Variants in PC observed in about 807,000 individuals in gnomAD.
PC encodes pyruvate carboxylase, mitochondrial.
In PC, 46 loss-of-function variants were observed where a neutral mutation model predicts 107.8. That is an observed-to-expected ratio of 0.43 (90% confidence interval 0.34 to 0.55). PC has a LOEUF of 0.55. PC is among the 20% of genes least tolerant of loss of function. The pLI is 0.04. For synonymous variants in PC, 662 were observed against 684.7 expected, an observed-to-expected ratio of 0.97 and a Z score of 0.52; for missense variants, 1,241 against 1,643.1, an observed-to-expected ratio of 0.76 and a Z score of 4.23.
chr11:66,926,441 C>T (rs1445548825), intron 3 of PC, among the ~76,000 whole-genome samples: 6 of 152,156 alleles, frequency 3.9e-5, no homozygotes, highest in Admixed American at 3.9e-4. Flanking sequence ...GTAAGGCTTA[C>T]CATTATCAAT....
At chr11:66,934,695 G>A (rs766842769) in intron 3 of PC, among the ~76,000 whole-genome samples, 3 of 152,080 alleles carry the variant, frequency 2.0e-5, no homozygotes, top group Non-Finnish European at 4.4e-5. Context: ...GCAATGGCAC[G>A]ATCTTGGCTC....
At chr11:66,934,539 A>G (rs1032451571) in intron 3 of PC, 1 of 154,118 alleles carries the variant, frequency 6.5e-6, no homozygotes, top group Non-Finnish European at 1.5e-5. Flanking sequence ...GAACTTGCTG[A>G]TCAGGGCTAA....
chr11:66,850,507 ACT>A, intron 18 of PC, 43 bp from the exon 19 acceptor site: 1 of 1,612,792 alleles, frequency 6.2e-7, no homozygotes, highest in Non-Finnish European at 8.5e-7. Context: ...GAAATGTGTG[ACT>A]CTTCCAGGAC....
At chr11:66,929,586 C>T (rs1162571168) in intron 3 of PC, among the ~76,000 whole-genome samples, 5 of 152,082 alleles carry the variant, frequency 3.3e-5, no homozygotes, top group African/African-American at 9.7e-5. Flanking sequence ...AGGGTGGTCT[C>T]GAACTCCTGA....
At chr11:66,865,055 G>A (rs1002239237) in intron 11 of PC, among the ~76,000 whole-genome samples, 1 of 152,242 alleles carries the variant, frequency 6.6e-6, no homozygotes, top group African/African-American at 2.4e-5. Flanking sequence ...CCAGGGCTTG[G>A]AAGTGGGGAT....
chr11:66,914,580 T>C (rs1042681823), intron 3 of PC, among the ~76,000 whole-genome samples: 3 of 151,124 alleles, frequency 2.0e-5, no homozygotes, highest in African/African-American at 7.3e-5. Flanking sequence ...GTCTGGCCCA[T>C]AGTAAATGCT....
At chr11:66,946,911 C>T (rs1352327549) in intron 3 of PC, among the ~76,000 whole-genome samples, 1 of 152,150 alleles carries the variant, frequency 6.6e-6, no homozygotes, top group African/African-American at 2.4e-5. Flanking sequence ...ACATCATTAT[C>T]ATTAGGAAAA....
At chr11:66,935,221 G>A (rs1948966202) in intron 3 of PC, among the ~76,000 whole-genome samples, 1 of 152,194 alleles carries the variant, frequency 6.6e-6, no homozygotes, top group Non-Finnish European at 1.5e-5. Context: ...CTGAGAAAAC[G>A]CAGGATTAGA....
chr11:66,863,319 G>A (rs371971202), intron 12 of PC, among the ~76,000 whole-genome samples: 3 of 152,286 alleles, frequency 2.0e-5, no homozygotes, highest in East Asian at 1.9e-4. Context: ...CAGCCTGGGC[G>A]ACAGCAAGAT....
In PC at chr11:66,858,750, T is replaced by C. The variant is rs1332356150; in HGVS notation, c.1368+5024A>G. On this transcript the variant is annotated intron_variant, in intron 12 of 22. Transcript: ENST00000393960. This position sits in a 1 kb window ranked among gnomAD's most constrained non-coding sequence, Gnocchi z 5.9. ...AGCCCGGGCTTTCCCCAACGGGACC[T>C]TAGAGATTGGGGTGACCGGCGCTGG... 13 of 1,554,384 alleles carry C rather than the reference T, an allele frequency of 8.4e-6. No individual in the cohort carries two copies. Among genetic ancestry groups the C allele is most frequent in the Non-Finnish European group, 1.1e-5 (13 of 1,149,374 alleles).
Position 66,871,315 on chromosome 11 carries a change from C to T in PC, c.487G>A (p.Gly163Ser), listed in dbSNP as rs1419299112. 6.2e-7 allele frequency: 1 copy of T among 1,614,046 alleles called. No homozygotes were observed. The highest frequency in any genetic ancestry group is 8.5e-7 in the Non-Finnish European group (1 of 1,180,040). Residue 163 changes from glycine (G) to serine (S), a missense_variant and splice_region_variant, in exon 6 of 23, where the codon GGT (glycine) becomes AGT (serine). Coordinates refer to ENST00000393960, the MANE Select transcript of PC (RefSeq NM_001040716.2). This position sits in a 1 kb window ranked among gnomAD's most constrained non-coding sequence, Gnocchi z 7.4. ...VEARAIAIAA[G>S]VPVVPGTDAP... ...CCCCTTGCTTGCCCGTTATATTCAC[C>T]CGCAGCAATGGCGATGGCCCGGGCC... is the stretch of plus-strand genomic sequence containing the variant.
chr11:66,922,196 C>T (rs1948611972), intron 3 of PC, among the ~76,000 whole-genome samples: 1 of 152,176 alleles, frequency 6.6e-6, no homozygotes, highest in African/African-American at 2.4e-5. Context: ...GAGACAGCTA[C>T]AGACAGTTGA....
chr11:66,873,435 AT>A (rs1343494681), intron 3 of PC, among the ~76,000 whole-genome samples: 9 of 87,012 alleles, frequency 1.0e-4, no homozygotes, highest in Non-Finnish European at 1.5e-4. Flanking sequence ...TATATATATT[AT>A]ATATTATATT....
rs148720690 is a variant in PC, at chr11:66,918,074, T to C, written c.-1+34356A>G. Among the ~76,000 whole-genome samples the C allele has an allele frequency of 7.2e-4, 110 of 152,326 alleles. 3 individuals are homozygous for C. In the East Asian group the frequency reaches 0.018, roughly 25 times the overall value. Reference sequence around the variant, plus strand: ...AGCCTGTGAGCCCTCTAGGTGGTGATAGAAACAGCAAATAGAATCCTTTTT... The same window carrying C: ...AGCCTGTGAGCCCTCTAGGTGGTGACAGAAACAGCAAATAGAATCCTTTTT... On this transcript the variant is annotated intron_variant, in intron 3 of 22. Transcript: ENST00000393960.
At chr11:66,942,893 G>A (rs1949179377) in intron 3 of PC, among the ~76,000 whole-genome samples, 1 of 151,904 alleles carries the variant, frequency 6.6e-6, no homozygotes, top group African/African-American at 2.4e-5. Flanking sequence ...GCGGGCGTCT[G>A]TAGTCCCAGC....
At chr11:66,874,686 G>A (rs1946905797) in intron 3 of PC, among the ~76,000 whole-genome samples, 1 of 152,218 alleles carries the variant, frequency 6.6e-6, no homozygotes. Flanking sequence ...TAAGCCTTAG[G>A]AGTCGAGAAC....
chr11:66,938,745 G>A (rs974658285), intron 3 of PC, among the ~76,000 whole-genome samples: 3 of 152,024 alleles, frequency 2.0e-5, no homozygotes, highest in Non-Finnish European at 2.9e-5. Flanking sequence ...CATAGCTCTC[G>A]TCCTATGGTA....
At position 66,851,800 on chromosome 11, in the gene PC, C is replaced by T. The variant is rs770207003; in HGVS notation, c.1972G>A (p.Val658Met). The T allele has an allele frequency of 2.0e-5, 33 of 1,614,138 alleles. No individual in the cohort carries two copies. The highest frequency in any genetic ancestry group is 3.3e-5 in the South Asian group (3 of 91,080). Residue 658 changes from valine (V) to methionine (M), a missense_variant, in exon 16 of 23, where the codon GTG becomes ATG. Physicochemically the swap from Val to Met is conservative, Grantham distance 21 (BLOSUM62 1). Coordinates refer to ENST00000393960, the MANE Select transcript of PC (RefSeq NM_001040716.2). ...AVGYTNYPDNVVFKFCEVAKE... is the reference protein window; with the variant it reads ...AVGYTNYPDNMVFKFCEVAKE... ...CCACCCCAGGCTCACTTGAAGACCACGTTGTCTGGGTAGTTGGTGTAGCCC... is the reference window on the plus strand; with the variant it reads ...CCACCCCAGGCTCACTTGAAGACCATGTTGTCTGGGTAGTTGGTGTAGCCC...
Position 66,871,515 on chromosome 11 carries a change from G to A in PC, c.322-35C>T, listed in dbSNP as rs781649069. On this transcript the variant is annotated intron_variant, in intron 5 of 22. Coordinates refer to ENST00000393960, the MANE Select transcript of PC (RefSeq NM_001040716.2). This position sits in a 1 kb window ranked among gnomAD's most constrained non-coding sequence, Gnocchi z 7.4. ...GGGGTCAGGGAGAGGACGGTACCTT[G>A]CAGTCCCTTCCAAGGCCTCGGCCAG... 2 of 1,611,532 alleles carry A rather than the reference G, an allele frequency of 1.2e-6. No individual in the cohort carries two copies. Among genetic ancestry groups the A allele is most frequent in the South Asian group, 2.2e-5 (2 of 91,064 alleles).
Sources: gnomAD v4.1 joint callset for allele counts (sites outside exome capture counted in the v4.1 genomes callset) on GRCh38, gnomAD v4.1.1 for gene constraint, Gnocchi (gnomAD v3.1) non-coding constraint, MANE v1.5 for transcripts, NCBI Gene and HGNC (gene_info 2026-07-23, HGNC 2026-07-21) for gene names.